RIT2: variants seen among roughly 807,000 people sequenced by gnomAD.
RIT2 encodes the protein Ras like without CAAX 2, also known as GTP-binding protein Rit2.
Under a neutral mutation model 23.7 loss-of-function variants are expected in RIT2, and 24 were observed. The ratio of observed to expected loss-of-function variants is 1.01; its 90% CI spans 0.73 to 1.43. The LOEUF (loss-of-function observed/expected upper bound fraction) is 1.43, where lower values mean the gene tolerates loss of function less well. RIT2 is among the 40% of genes most tolerant of loss of function. The pLI, the probability that RIT2 is intolerant of heterozygous loss-of-function variation, is 0.00. For missense variants in RIT2, 236 were observed against 266.9 expected, an observed-to-expected ratio of 0.88 and a Z score of 0.81; for synonymous variants, 107 against 91.1, an observed-to-expected ratio of 1.17 and a Z score of -0.99.
intron 1 of RIT2, among the ~76,000 whole-genome samples, chr18:43,074,575 T>C (rs957833614): frequency 2.6e-5 from 4 of 152,176 alleles, no homozygotes; most frequent in Non-Finnish European, 5.9e-5. Context: ...GCCTTATGAC[T>C]TTTTTTAAGA....
intron 4 of RIT2, among the ~76,000 whole-genome samples, chr18:42,760,546 C>T (rs1913275894): frequency 6.6e-6 from 1 of 152,272 alleles, no homozygotes; most frequent in South Asian, 2.1e-4. Context: ...TTAGTCAAAA[C>T]AGTAGATCTC....
rs1269547532 is a variant in RIT2 at position 42,759,746 on chromosome 18, CACACACACAT to C, written c.427-16036_427-16027del. 2.3e-3 allele frequency among the ~76,000 whole-genome samples: 307 copies of C among 135,676 alleles called. 2 individuals are homozygous for C. Among genetic ancestry groups the C allele is most frequent in the African/African-American group, 6.8e-3 (240 of 35,362 alleles). 89.0% of individuals were successfully genotyped at this position (135,676 alleles called of 152,430 possible). A position where few individuals can be genotyped will look rare whatever the true frequency, so the allele number is the denominator to read the frequency against. ...ACACACACACACACACACACACACA[CACACACACAT>C]ACGGATATATATATATATATATATA... On this transcript the variant is annotated intron_variant, in intron 4 of 4. Coordinates refer to ENST00000326695, the MANE Select transcript of RIT2 (RefSeq NM_002930.4).
At chr18:42,901,339 T>G (rs1209024095) in intron 4 of RIT2, among the ~76,000 whole-genome samples, 1 of 151,992 alleles carries the variant, frequency 6.6e-6, no homozygotes, top group Non-Finnish European at 1.5e-5. Context: ...TGGAACACTA[T>G]TTTTGTTTGA....
intron 1 of RIT2, among the ~76,000 whole-genome samples, chr18:43,083,398 C>T (rs1475737337): frequency 6.6e-6 from 1 of 152,036 alleles, no homozygotes; most frequent in African/African-American, 2.4e-5. Flanking sequence ...TCATATGGAA[C>T]CAAAAAAGAG....
chr18:43,074,727 T>C (rs1912972216), intron 1 of RIT2, among the ~76,000 whole-genome samples: 1 of 152,160 alleles, frequency 6.6e-6, no homozygotes, highest in Non-Finnish European at 1.5e-5. Flanking sequence ...TAAAAAGGAA[T>C]GAGATCATGT....
At chr18:42,785,961 A>G (rs746105494) in intron 4 of RIT2, among the ~76,000 whole-genome samples, 14 of 152,176 alleles carry the variant, frequency 9.2e-5, no homozygotes, top group Admixed American at 2.0e-4. Context: ...GTCCTATACT[A>G]TATTATGCTA....
intron 1 of RIT2, among the ~76,000 whole-genome samples, chr18:43,089,177 T>A (rs187805478): frequency 6.6e-6 from 1 of 152,036 alleles, no homozygotes; most frequent in East Asian, 1.9e-4. Flanking sequence ...TGTTTGAAGA[T>A]CCTATATCTA....
chr18:43,115,103 C>T (rs1205830500), intron 1 of RIT2, among the ~76,000 whole-genome samples: 1 of 152,038 alleles, frequency 6.6e-6, no homozygotes, highest in African/African-American at 2.4e-5. Flanking sequence ...TTTCTCATAC[C>T]ATGACAATTT....
At chr18:42,897,817 G>A (rs1251167140) in intron 4 of RIT2, among the ~76,000 whole-genome samples, 1 of 152,158 alleles carries the variant, frequency 6.6e-6, no homozygotes, top group African/African-American at 2.4e-5. Flanking sequence ...AGGCTATCAA[G>A]TATAAAGATG....
chr18:43,073,177 C>T (rs1912936200), intron 1 of RIT2, among the ~76,000 whole-genome samples: 1 of 152,156 alleles, frequency 6.6e-6, no homozygotes, highest in Non-Finnish European at 1.5e-5. Flanking sequence ...GCTCCCATCC[C>T]CCAACTTCTT....
At chr18:42,876,257 T>A (rs772030356) in intron 4 of RIT2, among the ~76,000 whole-genome samples, 12 of 151,968 alleles carry the variant, frequency 7.9e-5, no homozygotes, top group Non-Finnish European at 1.2e-4. Flanking sequence ...ATAATTCATG[T>A]ATTTTCTCCC....
At chr18:42,954,862 T>C (rs1909936294) in intron 3 of RIT2, among the ~76,000 whole-genome samples, 1 of 152,264 alleles carries the variant, frequency 6.6e-6, no homozygotes, top group Non-Finnish European at 1.5e-5. Context: ...CTCTTACTGT[T>C]CTCAATTATT....
chr18:42,800,179 T>C (rs370162341), intron 4 of RIT2, among the ~76,000 whole-genome samples: 1 of 152,220 alleles, frequency 6.6e-6, no homozygotes, highest in East Asian at 1.9e-4. Context: ...ATCCTGTGAA[T>C]AGGACTACAA....
chr18:42,888,191 T>A (rs985597366), intron 4 of RIT2, among the ~76,000 whole-genome samples: 3 of 151,714 alleles, frequency 2.0e-5, no homozygotes, highest in Non-Finnish European at 2.9e-5. Context: ...GTTTATAGTT[T>A]GTAACGAATA....
chr18:42,877,804 T>A (rs894824526), intron 4 of RIT2, among the ~76,000 whole-genome samples: 38 of 151,706 alleles, frequency 2.5e-4, no homozygotes, highest in African/African-American at 8.7e-4. Context: ...ATAAAATTAT[T>A]AAAAATATTA....
chr18:42,840,566 G>A (rs502126), intron 4 of RIT2, among the ~76,000 whole-genome samples: 83,970 of 152,032 alleles, frequency 0.55, 26,131 homozygotes, highest in African/African-American at 0.84. Flanking sequence ...GCAATGCTCA[G>A]TCTCGGCTCA....
chr18:43,016,982 A>C (rs149086505), intron 2 of RIT2, among the ~76,000 whole-genome samples: 1 of 152,100 alleles, frequency 6.6e-6, no homozygotes, highest in African/African-American at 2.4e-5. Flanking sequence ...GAGGCCAAAA[A>C]TTAAAAGGTA....
chr18:43,042,504 C>T (rs1024780255), intron 1 of RIT2, among the ~76,000 whole-genome samples: 1 of 152,186 alleles, frequency 6.6e-6, no homozygotes, highest in African/African-American at 2.4e-5. Context: ...AACTCTCCTC[C>T]AGATACCTGC....
At chr18:43,023,711 A>G (rs975437131) in intron 2 of RIT2, among the ~76,000 whole-genome samples, 4 of 152,084 alleles carry the variant, frequency 2.6e-5, no homozygotes, top group African/African-American at 9.7e-5. Context: ...GGAGACTCCA[A>G]TGACTAAAAC....
Sources: gnomAD v4.1 joint callset for allele counts (sites outside exome capture counted in the v4.1 genomes callset) on GRCh38, gnomAD v4.1.1 for gene constraint, MANE v1.5 for transcripts, NCBI Gene and HGNC (gene_info 2026-07-23, HGNC 2026-07-21) for gene names.